Variants in F13B observed in about 807,000 individuals in gnomAD.
F13B encodes the protein TGase.
Under a neutral mutation model 79.8 loss-of-function variants are expected in F13B, and 58 were observed. That is an observed-to-expected ratio of 0.73 (90% CI 0.59 to 0.90). The LOEUF is 0.90. F13B is among the 40% of genes least tolerant of loss of function. The pLI is 0.00. For missense variants in F13B, 773 were observed against 777.0 expected, an observed-to-expected ratio of 0.99 and a Z score of 0.06; for synonymous variants, 283 against 260.3, an observed-to-expected ratio of 1.09 and a Z score of -0.84.
Position 197,062,883 on chromosome 1 carries a change from C to G in F13B, c.239G>C (p.Gly80Ala). 6.2e-7 allele frequency: 1 copy of G among 1,613,810 alleles called. No individual in the cohort carries two copies. Among genetic ancestry groups the G allele is most frequent in the East Asian group, 2.2e-5 (1 of 44,852 alleles). Reference sequence around the variant, plus strand: ...GAAGCACCTTGGCTCTGGAGACCAGCCTTCTGTTGTACACGTGGTTTGCTC... The same window carrying G: ...GAAGCACCTTGGCTCTGGAGACCAGGCTTCTGTTGTACACGTGGTTTGCTC... ...QEEQTTCTTE[G>A]WSPEPRCFKK... The change falls in exon 2 of 12, where the codon GGC becomes GCC. Residue 80 changes from glycine (G) to alanine (A), a missense_variant. Physicochemically the swap from Gly to Ala is moderately conservative, Grantham distance 60. Transcript: ENST00000367412.
At chr1:197,062,640 A>T (rs2125073823) in intron 2 of F13B, among the ~76,000 whole-genome samples, 1 of 152,312 alleles carries the variant, frequency 6.6e-6, no homozygotes, top group East Asian at 1.9e-4. Context: ...TCAACAGAGT[A>T]TTATTAAAAA....
intron 10 of F13B, among the ~76,000 whole-genome samples, chr1:197,050,366 CAT>C (rs1019046750): frequency 6.6e-5 from 10 of 152,010 alleles, no homozygotes; most frequent in African/African-American, 2.4e-4. Context: ...TTCTATTATA[CAT>C]GTTTCCCTAA....
At chr1:197,050,148 TCC>T (rs1194419011) in intron 10 of F13B, among the ~76,000 whole-genome samples, 3 of 152,066 alleles carry the variant, frequency 2.0e-5, no homozygotes, top group Admixed American at 2.0e-4. Context: ...TGTACTGAAG[TCC>T]TAGCCAGTGA....
At chr1:197,049,544 A>G (rs968007257) in intron 10 of F13B, among the ~76,000 whole-genome samples, 18 of 152,084 alleles carry the variant, frequency 1.2e-4, no homozygotes, top group Admixed American at 2.0e-4. Flanking sequence ...AGAAATAATT[A>G]CCATTATTTG....
Position 197,050,694 on chromosome 1 carries a change from T to A in F13B, c.1738+3A>T, listed in dbSNP as rs1183619072. 7 of 1,612,246 alleles carry A rather than the reference T, an allele frequency of 4.3e-6. No homozygotes were observed. The highest frequency in any genetic ancestry group is 5.9e-6 in the Non-Finnish European group (7 of 1,178,884). On this transcript the variant is annotated splice_donor_region_variant and intron_variant, in intron 10 of 11. Transcript: ENST00000367412. ...TGTTAGAGGCATATTTAGTAGTACA[T>A]ACCTAAACACAATGGTGGTGTAGTC...
Position 197,040,508 on chromosome 1 carries a change from A to T in F13B, c.1952+14T>A, listed in dbSNP as rs746680904. 3.7e-6 allele frequency: 6 copies of T among 1,603,676 alleles called. No homozygotes were observed. In the South Asian group the frequency reaches 5.5e-5, roughly 15 times the overall value. ...CAAAAAAAATAATCTGACCAAAAAA[A>T]AAAAACTTCTTACCTTTGTCTTGGA... On this transcript the variant is annotated intron_variant, in intron 11 of 11. Coordinates refer to ENST00000367412, the MANE Select transcript of F13B (RefSeq NM_001994.3).
chr1:197,061,251 C>A (rs1655851082), intron 3 of F13B, among the ~76,000 whole-genome samples, 176 bp from the exon 4 acceptor site: 1 of 152,036 alleles, frequency 6.6e-6, no homozygotes, highest in Admixed American at 6.6e-5. Context: ...CACCTTGTGA[C>A]CTAACTCTAC....
At chr1:197,062,086 G>T in intron 2 of F13B, 117 bp from the exon 3 acceptor site, 1 of 881,510 alleles carries the variant, frequency 1.1e-6, no homozygotes, top group Non-Finnish European at 1.8e-6. Flanking sequence ...GGAAATATCT[G>T]CATAATTTTT....
At position 197,039,137 on chromosome 1, in the gene F13B, A is replaced by ATC; in HGVS notation, c.*240_*241insGA. 8.7e-6 allele frequency: 4 copies of ATC among 459,380 alleles called. No individual in the cohort carries two copies. The highest frequency in any genetic ancestry group is 3.0e-5 in the South Asian group (1 of 33,160). 28.5% of individuals were successfully genotyped at this position (459,380 alleles called of 1,614,324 possible). On this transcript the variant is annotated 3_prime_UTR_variant, in exon 12 of 12. Transcript: ENST00000367412. ...GAAATGAAAATATGATGTGTAGATT[A>ATC]ATTTGTAACAGATGGAAGACATACA...
chr1:197,059,718 T>G (rs1455287197), intron 5 of F13B, among the ~76,000 whole-genome samples: 3 of 152,186 alleles, frequency 2.0e-5, no homozygotes, highest in African/African-American at 7.2e-5. Flanking sequence ...AGCAATTATT[T>G]TTTTCATATC....
At chr1:197,041,022 T>C (rs1163817621) in intron 10 of F13B, among the ~76,000 whole-genome samples, 2 of 152,112 alleles carry the variant, frequency 1.3e-5, no homozygotes, top group African/African-American at 2.4e-5. Context: ...ATTAGCTTTT[T>C]CAAAGATAGC....
chr1:197,051,782 C>A (rs781026522), intron 9 of F13B, among the ~76,000 whole-genome samples: 21 of 152,052 alleles, frequency 1.4e-4, no homozygotes, highest in Non-Finnish European at 2.5e-4. Flanking sequence ...CGATGTTGAG[C>A]TTTTTCCTCA....
chr1:197,051,533 T>C (rs1655439076), intron 9 of F13B, among the ~76,000 whole-genome samples: 1 of 152,136 alleles, frequency 6.6e-6, no homozygotes, highest in Non-Finnish European at 1.5e-5. Context: ...GTGTTTGTTG[T>C]TGAGTGCTCA....
chr1:197,041,332 T>G (rs1227451452), intron 10 of F13B, among the ~76,000 whole-genome samples: 1 of 152,178 alleles, frequency 6.6e-6, no homozygotes, highest in East Asian at 1.9e-4. Context: ...AGTTGTGTCC[T>G]TTCCCATGTA....
At position 197,067,195 on chromosome 1, in the gene F13B, AT is replaced by A; in HGVS notation, c.28del (p.Ile10SerfsTer3). ...GAGTTCTCCTGAGATTATCAATATG[AT>A]GATAAAAGTCAGGTTTTTCAACCTC... MRLKNLTFI[I>X]ILIISGELYA... On this transcript the variant is annotated frameshift_variant, in exon 1 of 12. Coordinates refer to ENST00000367412, the MANE Select transcript of F13B (RefSeq NM_001994.3). LOFTEE classifies it high-confidence loss of function. The A allele has an allele frequency of 6.2e-7, 1 of 1,609,032 alleles. No homozygotes were observed. Among genetic ancestry groups the A allele is most frequent in the East Asian group, 2.2e-5 (1 of 44,664 alleles).
intron 10 of F13B, among the ~76,000 whole-genome samples, chr1:197,045,910 A>C (rs945926016): frequency 1.4e-4 from 21 of 152,216 alleles, no homozygotes; most frequent in Admixed American, 1.4e-3. Context: ...CCAATGACAA[A>C]AACCACATGA....
At chr1:197,045,964 GC>G (rs1439086491) in intron 10 of F13B, among the ~76,000 whole-genome samples, 8 of 152,140 alleles carry the variant, frequency 5.3e-5, no homozygotes, top group East Asian at 1.9e-4. Context: ...AAATTCAACA[GC>G]CCTTCATGCT....
chr1:197,056,032 A>T (rs1050467618), intron 7 of F13B, 135 bp from the exon 8 acceptor site: 56 of 892,182 alleles, frequency 6.3e-5, no homozygotes, highest in Non-Finnish European at 8.0e-5. Flanking sequence ...AATATGAAAA[A>T]TTTTTTCAGC....
chr1:197,039,275 GC>G lies in F13B; in HGVS notation c.*102del. The G allele has an allele frequency of 8.6e-6, 8 of 928,444 alleles. No homozygotes were observed. The South Asian group carries it at 1.2e-4, about 13-fold the overall frequency. The allele number at this position is 928,444 out of a possible 1,614,324, so 57.5% of individuals were successfully genotyped here. ...AAATAATTTAGATTCAAATATTTAA[GC>G]AAGGAAAAACTCCGAAGTTTTTAAC... On this transcript the variant is annotated 3_prime_UTR_variant, in exon 12 of 12. Coordinates refer to ENST00000367412, the MANE Select transcript of F13B (RefSeq NM_001994.3).
Sources: gnomAD v4.1 joint callset for allele counts (sites outside exome capture counted in the v4.1 genomes callset) on GRCh38, gnomAD v4.1.1 for gene constraint, MANE v1.5 for transcripts, NCBI Gene and HGNC (gene_info 2026-07-23, HGNC 2026-07-21) for gene names.